CYP2C18: variants seen among roughly 807,000 people sequenced by gnomAD.
CYP2C18 encodes the protein cytochrome P450 family 2 subfamily C member 18.
In CYP2C18, 38 loss-of-function variants were observed where a neutral mutation model predicts 41.3. The ratio of observed to expected loss-of-function variants is 0.92; its 90% CI spans 0.71 to 1.21. The LOEUF (loss-of-function observed/expected upper bound fraction) is 1.21. Ranked by LOEUF, CYP2C18 falls within the 50% of genes most tolerant of loss-of-function variation. CYP2C18 has a pLI of 0.00. For missense variants in CYP2C18, 635 were observed against 591.4 expected (o/e 1.07, Z -0.77); for synonymous variants, 236 against 210.0 (o/e 1.12, Z -1.07).
chr10:94,704,879 T>C (rs1384574341), intron 4 of CYP2C18, among the ~76,000 whole-genome samples: 1 of 152,212 alleles, frequency 6.6e-6, no homozygotes, highest in African/African-American at 2.4e-5. Context: ...GTTGTTCATT[T>C]GTCTTAGGAG....
chr10:94,707,860 T>C (rs1326776005), intron 5 of CYP2C18, among the ~76,000 whole-genome samples: 1 of 152,180 alleles, frequency 6.6e-6, no homozygotes, highest in South Asian at 2.1e-4. Context: ...GACATTCTCT[T>C]TGATAACTTT....
chr10:94,688,166 C>T lies in CYP2C18; in HGVS notation c.373C>T (p.Arg125Cys), dbSNP rs754531436. 1.2e-5 allele frequency: 20 copies of T among 1,613,508 alleles called. No individual in the cohort carries two copies. The African/African-American group carries it at 1.5e-4, about 12-fold the overall frequency. ...SNGKRWKEIRRFCLMTLRNFG... is the reference protein window; with the variant it reads ...SNGKRWKEIRCFCLMTLRNFG... ...TGGAAAGAGATGGAAGGAGATCCGG[C>T]GTTTCTGCCTCATGACTCTGCGGAA... The change falls in exon 3 of 9, where the codon CGT (arginine) becomes TGT (cysteine). Residue 125 changes from arginine (R) to cysteine (C), a missense_variant. Physicochemically the swap from Arg to Cys is radical, Grantham distance 180 (BLOSUM62 -3). Transcript: ENST00000285979.
intron 4 of CYP2C18, among the ~76,000 whole-genome samples, chr10:94,699,594 TC>T (rs1847193859): frequency 6.6e-6 from 1 of 152,108 alleles, no homozygotes; most frequent in South Asian, 2.1e-4. Flanking sequence ...CTCTCATCAC[TC>T]CTATTCAACT....
chr10:94,713,595 G>A (rs1847484534), intron 5 of CYP2C18, among the ~76,000 whole-genome samples: 2 of 152,162 alleles, frequency 1.3e-5, no homozygotes, highest in African/African-American at 4.8e-5. Flanking sequence ...GGACATTTGG[G>A]TTGGTTCCAA....
At chr10:94,724,763 T>G (rs563115667) in intron 7 of CYP2C18, among the ~76,000 whole-genome samples, 58 of 85,592 alleles carry the variant, frequency 6.8e-4, no homozygotes, top group African/African-American at 2.5e-3. Flanking sequence ...TTAGTATTTT[T>G]TTTTTGTGGC....
At chr10:94,727,632 A>T (rs1369753450) in intron 7 of CYP2C18, among the ~76,000 whole-genome samples, 1 of 151,988 alleles carries the variant, frequency 6.6e-6, no homozygotes, top group Non-Finnish European at 1.5e-5. Context: ...ACAAAAAAAA[A>T]AGAGGAAAGA....
chr10:94,686,954 C>G (rs1236578085), intron 1 of CYP2C18, among the ~76,000 whole-genome samples: 6 of 152,116 alleles, frequency 3.9e-5, no homozygotes, highest in African/African-American at 1.4e-4. Context: ...TAGCCATGAT[C>G]ATTAAACGTC....
intron 4 of CYP2C18, among the ~76,000 whole-genome samples, chr10:94,703,120 G>A (rs1322451847): frequency 6.6e-6 from 1 of 152,154 alleles, no homozygotes; most frequent in Non-Finnish European, 1.5e-5. Flanking sequence ...TCATCCTGGT[G>A]GGGCACCAGC....
At chr10:94,701,836 G>C (rs1391401123) in intron 4 of CYP2C18, among the ~76,000 whole-genome samples, 19 of 152,146 alleles carry the variant, frequency 1.2e-4, no homozygotes, top group Admixed American at 1.2e-3. Flanking sequence ...GGAGAAGGAA[G>C]AGGATAGTTA....
chr10:94,716,829 G>A (rs757330816), intron 5 of CYP2C18, among the ~76,000 whole-genome samples: 3 of 152,110 alleles, frequency 2.0e-5, no homozygotes, highest in Non-Finnish European at 4.4e-5. Flanking sequence ...TATCTTCGTA[G>A]GTCTCTAAGG....
In CYP2C18 at chr10:94,731,451, T is replaced by C. The variant is rs184615950; in HGVS notation, c.1150-1846T>C. Among the ~76,000 whole-genome samples, 7 of 151,858 alleles carry C rather than the reference T, an allele frequency of 4.6e-5. No homozygotes were observed. In the East Asian group the frequency reaches 9.7e-4, roughly 21 times the overall value. On this transcript the variant is annotated intron_variant, in intron 7 of 8. Coordinates refer to ENST00000285979, the MANE Select transcript of CYP2C18 (RefSeq NM_000772.3). ...ATCTACTGATTCAATGCTATTCCTATCCGACTACCAGTGTCTCTTCTAAAA... is the reference window on the plus strand; with the variant it reads ...ATCTACTGATTCAATGCTATTCCTACCCGACTACCAGTGTCTCTTCTAAAA...
At chr10:94,723,852 G>A (rs1404402528) in intron 6 of CYP2C18, among the ~76,000 whole-genome samples, 2 of 152,108 alleles carry the variant, frequency 1.3e-5, no homozygotes, top group Non-Finnish European at 2.9e-5. Context: ...CTTCTAGAAT[G>A]TTTCAACATA....
intron 4 of CYP2C18, among the ~76,000 whole-genome samples, chr10:94,701,599 C>A (rs1847246808): frequency 6.6e-6 from 1 of 151,998 alleles, no homozygotes; most frequent in African/African-American, 2.4e-5. Flanking sequence ...GCACATGTAC[C>A]CTAAAACTTA....
chr10:94,712,713 G>A (rs1029477608), intron 5 of CYP2C18, among the ~76,000 whole-genome samples: 35 of 152,230 alleles, frequency 2.3e-4, no homozygotes, highest in African/African-American at 7.2e-4. Context: ...CCCATAAGCC[G>A]AATCACTGGA....
chr10:94,725,107 A>G (rs569653240), intron 7 of CYP2C18, among the ~76,000 whole-genome samples: 5 of 148,214 alleles, frequency 3.4e-5, no homozygotes, highest in Admixed American at 6.8e-5. Flanking sequence ...AAATAAATAT[A>G]TATAATATTA....
At chr10:94,732,183 C>CA (rs1847845633) in intron 7 of CYP2C18, among the ~76,000 whole-genome samples, 1 of 152,046 alleles carries the variant, frequency 6.6e-6, no homozygotes, top group Non-Finnish European at 1.5e-5. Context: ...AGACACTGCT[C>CA]AAAAGACATA....
intron 4 of CYP2C18, among the ~76,000 whole-genome samples, chr10:94,705,062 T>C (rs7912667): frequency 0.025 from 3,844 of 152,222 alleles, 149 homozygotes; most frequent in African/African-American, 0.075. Context: ...AACCAGGGCC[T>C]TCCACTGCGA....
intron 4 of CYP2C18, among the ~76,000 whole-genome samples, chr10:94,701,344 T>C (rs1564641107): frequency 1.3e-5 from 2 of 152,094 alleles, no homozygotes; most frequent in Non-Finnish European, 1.5e-5. Context: ...CTGGAAACCA[T>C]AATTCTCAGC....
At chr10:94,726,022 A>C (rs1847734237) in intron 7 of CYP2C18, among the ~76,000 whole-genome samples, 1 of 151,888 alleles carries the variant, frequency 6.6e-6, no homozygotes, top group Admixed American at 6.6e-5. Context: ...CTTTGGAGTG[A>C]CTCATAAATT....
Sources: allele counts gnomAD v4.1 joint callset (sites outside exome capture counted in the v4.1 genomes callset), GRCh38; gene constraint gnomAD v4.1.1; transcripts MANE v1.5; gene names NCBI Gene and HGNC (gene_info 2026-07-23, HGNC 2026-07-21).